Variants in PIK3C2A observed in about 807,000 individuals in gnomAD.
PIK3C2A encodes phosphatidylinositol 4-phosphate 3-kinase C2 domain-containing subunit alpha.
A neutral mutation model predicts 204.5 loss-of-function variants in PIK3C2A; 97 were observed. The observed-to-expected ratio is 0.47, with a 90% CI of 0.40 to 0.56. The LOEUF (loss-of-function observed/expected upper bound fraction) is 0.56, where lower values mean the gene tolerates loss of function less well. Ranked by LOEUF, PIK3C2A falls within the 20% of genes least tolerant of loss-of-function variation. PIK3C2A has a pLI of 0.00. For missense variants in PIK3C2A, 1,735 were observed against 1,969.2 expected (o/e 0.88, Z 2.25); for synonymous variants, 653 against 664.4 (o/e 0.98, Z 0.26).
chr11:17,097,006 GACA>G (rs1565236981), intron 27 of PIK3C2A, 48 bp downstream of exon 27: 2 of 1,075,236 alleles, frequency 1.9e-6, no homozygotes, highest in Admixed American at 1.8e-5. Flanking sequence ...AAGTAGAAAG[GACA>G]ACAATAATAC....
intron 11 of PIK3C2A, among the ~76,000 whole-genome samples, chr11:17,134,150 T>C (rs1034255732): frequency 6.6e-6 from 1 of 152,196 alleles, no homozygotes; most frequent in Non-Finnish European, 1.5e-5. Flanking sequence ...AACACCAAGA[T>C]AACTGGTTGC....
In PIK3C2A at chr11:17,119,234, G is replaced by C. The variant is rs767248546; in HGVS notation, c.2926C>G (p.Pro976Ala). The change falls in exon 17 of 33, where the codon CCA becomes GCA. Residue 976 changes from proline (P) to alanine (A), a missense_variant. Physicochemically the swap from Pro to Ala is conservative, Grantham distance 27. Transcript: ENST00000691414. ...ISDDELTDLLPQFVQALKYEI... is the reference protein window; with the variant it reads ...ISDDELTDLLAQFVQALKYEI... ...AAAAAACTCACTTGTACAAACTGTG[G>C]AAGAAGATCTGTTAGCTCATCATCA... The C allele has an allele frequency of 1.9e-6, 3 of 1,590,754 alleles. No individual in the cohort carries two copies. Among genetic ancestry groups the C allele is most frequent in the Non-Finnish European group, 2.6e-6 (3 of 1,160,390 alleles).
intron 2 of PIK3C2A, among the ~76,000 whole-genome samples, chr11:17,158,484 G>A (rs1850675421): frequency 6.6e-6 from 1 of 151,596 alleles, no homozygotes; most frequent in Admixed American, 6.6e-5. Context: ...AAAAAATGAG[G>A]CACAGATGAG....
chr11:17,180,795 G>A (rs114403567), intron 1 of PIK3C2A, among the ~76,000 whole-genome samples: 64 of 152,192 alleles, frequency 4.2e-4, no homozygotes, highest in African/African-American at 1.4e-3. Context: ...GCATTCCAGC[G>A]GATACCCTCA....
rs1447956471 is a variant in PIK3C2A, at chr11:17,155,564, C to T, written c.1131G>A (p.Gln377=). 4 of 1,606,714 alleles carry T rather than the reference C, an allele frequency of 2.5e-6. No individual in the cohort carries two copies. The highest frequency in any genetic ancestry group is 1.3e-5 in the African/African-American group (1 of 74,818). The change falls in exon 3 of 33, where the codon CAG becomes CAA. Residue 377 remains glutamine (Q), a synonymous_variant. Coordinates refer to ENST00000691414, the MANE Select transcript of PIK3C2A (RefSeq NM_002645.4). ...GSSLLQEVEV[Q]NEEMAAFCRS... ...GACAAAAAGCTGCCATCTCCTCATT[C>T]TGTACTTCAACTTCTTGAAGAAGAG...
chr11:17,145,614 A>T, intron 8 of PIK3C2A, 54 bp downstream of exon 8: 1 of 1,017,650 alleles, frequency 9.8e-7, no homozygotes, highest in East Asian at 2.4e-5. Context: ...ATTTAAGAGA[A>T]AGAAGCAGCA....
chr11:17,135,242 C>A, intron 9 of PIK3C2A, 83 bp from the exon 10 acceptor site: 1 of 1,378,912 alleles, frequency 7.3e-7, no homozygotes. Flanking sequence ...CCAAGAAACT[C>A]TTTCCAGGGG....
intron 1 of PIK3C2A, among the ~76,000 whole-genome samples, chr11:17,206,612 C>T (rs1244252563): frequency 6.6e-6 from 1 of 151,534 alleles, no homozygotes; most frequent in African/African-American, 2.4e-5. Context: ...AGAGCACCAA[C>T]CCCAACTATG....
At position 17,122,667 on chromosome 11, in the gene PIK3C2A, T is replaced by C. The variant is rs766512331; in HGVS notation, c.2511+35A>G. The C allele has an allele frequency of 3.3e-5, 31 of 930,738 alleles. No individual in the cohort carries two copies. The South Asian group carries it at 4.4e-4, about 13-fold the overall frequency. The allele number at this position is 930,738 out of a possible 1,614,324, so 57.7% of individuals were successfully genotyped here. A position where few individuals can be genotyped will look rare whatever the true frequency, so the allele number is the denominator to read the frequency against. On this transcript the variant is annotated intron_variant, in intron 14 of 32. Transcript: ENST00000691414. ...CACACATTTTATGAAGAAATTTAAATGTACACCTCTCTACATGTCAAGAAG... is the reference window on the plus strand; with the variant it reads ...CACACATTTTATGAAGAAATTTAAACGTACACCTCTCTACATGTCAAGAAG...
chr11:17,204,883 A>G (rs931790413), intron 1 of PIK3C2A, among the ~76,000 whole-genome samples: 2 of 152,248 alleles, frequency 1.3e-5, no homozygotes, highest in African/African-American at 4.8e-5. Flanking sequence ...ATGCTAAATT[A>G]ATACAATGCA....
intron 1 of PIK3C2A, among the ~76,000 whole-genome samples, chr11:17,198,641 C>A (rs548996300): frequency 1.3e-5 from 2 of 152,142 alleles, no homozygotes; most frequent in African/African-American, 4.8e-5. Context: ...ATGTTGCTAC[C>A]ATTAACTGTG....
In PIK3C2A at chr11:17,122,279, T is replaced by C. The variant is rs779499163; in HGVS notation, c.2566A>G (p.Arg856Gly). The change falls in exon 15 of 33, where the codon AGA (arginine) becomes GGA (glycine). Residue 856 changes from arginine to glycine, a missense_variant. Transcript: ENST00000691414. ...DIIYTTPQVD[R>G]SIIQQHNLET... is the part of the protein sequence containing the mutation. Reference sequence around the variant, plus strand: ...AAGTTATGTTGCTGTATAATGCTTCTGTCAACTTGAGGAGTTGTATAAATA... The same window carrying C: ...AAGTTATGTTGCTGTATAATGCTTCCGTCAACTTGAGGAGTTGTATAAATA... The C allele has an allele frequency of 6.5e-7, 1 of 1,534,922 alleles. No homozygotes were observed. The highest frequency in any genetic ancestry group is 9.0e-7 in the Non-Finnish European group (1 of 1,110,460).
chr11:17,148,675 C>A lies in PIK3C2A; in HGVS notation c.1440G>T (p.Val480=). The A allele has an allele frequency of 6.2e-7, 1 of 1,612,972 alleles. No individual in the cohort carries two copies. Among genetic ancestry groups the A allele is most frequent in the Non-Finnish European group, 8.5e-7 (1 of 1,179,454 alleles). ...TAGTTAAATAAACTTACTTCTGCAG[C>A]ACTTCCTCTTGACCACAAACTTTTA... ...YVLKVCGQEE[V]LQNNHCLGSH... is the part of the protein sequence containing the mutation. The change falls in exon 5 of 33, where the codon GTG becomes GTT. Residue 480 remains valine (V), a synonymous_variant. Transcript: ENST00000691414.
At chr11:17,205,579 C>CT (rs2137596191) in intron 1 of PIK3C2A, among the ~76,000 whole-genome samples, 2 of 151,258 alleles carry the variant, frequency 1.3e-5, no homozygotes, top group African/African-American at 4.8e-5. Context: ...TATAAGAACT[C>CT]TGAGTTCTCA....
intron 24 of PIK3C2A, 132 bp downstream of exon 24, chr11:17,102,530 A>G: frequency 1.5e-6 from 1 of 655,132 alleles, no homozygotes; most frequent in Non-Finnish European, 2.7e-6. Context: ...TGGTATGGTC[A>G]TATCTTTGGG....
At position 17,145,904 on chromosome 11, in the gene PIK3C2A, G is replaced by A. The variant is rs1850228504; in HGVS notation, c.1599C>T (p.His533=). ...TGCAAGGTTTTTCTATTTGATACAG[G>A]TGTTTGTTTAAATCCACGGGTGTTT... ...DDETPVDLNK[H]LYQIEKPCKE... is the part of the protein sequence containing the mutation. The change falls in exon 7 of 33, where the codon CAC becomes CAT. Residue 533 remains histidine (H), a synonymous_variant. Coordinates refer to ENST00000691414, the MANE Select transcript of PIK3C2A (RefSeq NM_002645.4). 1 of 1,613,492 alleles carries A rather than the reference G, an allele frequency of 6.2e-7. No homozygotes were observed. Among genetic ancestry groups the A allele is most frequent in the Admixed American group, 1.7e-5 (1 of 59,996 alleles).
intron 15 of PIK3C2A, among the ~76,000 whole-genome samples, chr11:17,120,192 T>G (rs143014607): frequency 1.1e-3 from 162 of 152,266 alleles, no homozygotes; most frequent in African/African-American, 3.7e-3. Flanking sequence ...TGATAAAAGA[T>G]GCTTAGTTAG....
At chr11:17,101,828 C>T (rs924521309) in intron 24 of PIK3C2A, among the ~76,000 whole-genome samples, 7 of 151,836 alleles carry the variant, frequency 4.6e-5, no homozygotes, top group African/African-American at 1.7e-4. Flanking sequence ...TGGTCTCGAT[C>T]TCCTGACCTT....
intron 1 of PIK3C2A, among the ~76,000 whole-genome samples, chr11:17,200,928 G>A (rs752733741): frequency 5.9e-5 from 9 of 152,200 alleles, no homozygotes; most frequent in East Asian, 1.9e-4. Context: ...GATTCAAGCC[G>A]GGCACGGTGG....
Sources: allele counts gnomAD v4.1 joint callset (sites outside exome capture counted in the v4.1 genomes callset), GRCh38; gene constraint gnomAD v4.1.1; transcripts MANE v1.5; gene names NCBI Gene and HGNC (gene_info 2026-07-23, HGNC 2026-07-21).